Variants in PRKACB observed in about 807,000 individuals in gnomAD.
PRKACB encodes protein kinase cAMP-activated catalytic subunit beta, also known as cAMP-dependent protein kinase catalytic subunit beta.
PRKACB carries 16 observed loss-of-function variants against 51.4 expected under a neutral mutation model. That is an observed-to-expected ratio of 0.31 (90% CI 0.21 to 0.47). The LOEUF (loss-of-function observed/expected upper bound fraction) is 0.47. Ranked by LOEUF, PRKACB falls within the 20% of genes least tolerant of loss-of-function variation. The pLI, the probability that PRKACB is intolerant of heterozygous loss-of-function variation, is 1.00. For synonymous variants in PRKACB, 147 were observed against 154.4 expected, an observed-to-expected ratio of 0.95 and a Z score of 0.35; for missense variants, 309 against 464.5, an observed-to-expected ratio of 0.67 and a Z score of 3.08.
At chr1:84,181,652 G>A (rs780217091) in intron 2 of PRKACB, 12 of 1,471,268 alleles carry the variant, frequency 8.2e-6, no homozygotes, top group Middle Eastern at 1.8e-4. Flanking sequence ...AAGCCACTAG[G>A]CTCTCTCATG....
At chr1:84,223,880 T>C (rs1009805931) in intron 9 of PRKACB, among the ~76,000 whole-genome samples, 1 of 152,206 alleles carries the variant, frequency 6.6e-6, no homozygotes, top group Non-Finnish European at 1.5e-5. Context: ...GGAGGTGTCA[T>C]GTTTCTTTGC....
intron 1 of PRKACB, among the ~76,000 whole-genome samples, chr1:84,132,403 T>C (rs1191087888): frequency 6.6e-6 from 1 of 152,168 alleles, no homozygotes; most frequent in Non-Finnish European, 1.5e-5. Flanking sequence ...GCTTACCTCC[T>C]GGCCAGATTA....
chr1:84,183,195 T>C (rs1326492414), intron 3 of PRKACB, among the ~76,000 whole-genome samples: 1 of 152,008 alleles, frequency 6.6e-6, no homozygotes, highest in African/African-American at 2.4e-5. Context: ...CTTCTAATGA[T>C]TTACACATAT....
chr1:84,128,545 T>C (rs1302754634), intron 1 of PRKACB, among the ~76,000 whole-genome samples: 2 of 152,202 alleles, frequency 1.3e-5, no homozygotes, highest in East Asian at 3.8e-4. Flanking sequence ...TTTGAAAAAA[T>C]ATGATATTGA....
rs568250668 is a variant in PRKACB, at chr1:84,177,283, A to C, written c.188-1894A>C. On this transcript the variant is annotated intron_variant, in intron 1 of 9. Transcript: ENST00000370685. ...GCATGTTGCAATAAATTATGTTTTT[A>C]ATTTAATTTATAGCCATCATGTCCA... is the stretch of plus-strand genomic sequence containing the variant. Among the ~76,000 whole-genome samples, 41 of 152,230 alleles carry C rather than the reference A, an allele frequency of 2.7e-4. No homozygotes were observed. In the South Asian group the frequency reaches 8.5e-3, roughly 32 times the overall value.
intron 1 of PRKACB, among the ~76,000 whole-genome samples, chr1:84,111,663 C>T (rs905769404): frequency 1.3e-5 from 2 of 151,818 alleles, no homozygotes; most frequent in Non-Finnish European, 2.9e-5. Flanking sequence ...GTGCAACAAA[C>T]CCCCGTGACA....
At chr1:84,218,641 T>C (rs1673216777) in intron 9 of PRKACB, among the ~76,000 whole-genome samples, 1 of 152,224 alleles carries the variant, frequency 6.6e-6, no homozygotes, top group Non-Finnish European at 1.5e-5. Flanking sequence ...TGCATTGATA[T>C]ACTGATTTCC....
chr1:84,103,295 G>T (rs1294197628), intron 1 of PRKACB, among the ~76,000 whole-genome samples: 2 of 152,066 alleles, frequency 1.3e-5, no homozygotes, highest in Non-Finnish European at 2.9e-5. Flanking sequence ...TGTGATGCTA[G>T]ATCCGTTACA....
chr1:84,131,280 G>T (rs1033110481), intron 1 of PRKACB, among the ~76,000 whole-genome samples: 3 of 150,946 alleles, frequency 2.0e-5, no homozygotes, highest in Non-Finnish European at 4.4e-5. Context: ...GGAGGCAGGG[G>T]TTGCAATGAG....
chr1:84,121,205 G>C (rs955721811), intron 1 of PRKACB, among the ~76,000 whole-genome samples: 1 of 151,360 alleles, frequency 6.6e-6, no homozygotes, highest in Non-Finnish European at 1.5e-5. Context: ...TAGTGTATTT[G>C]TTACAAAAAA....
intron 1 of PRKACB, among the ~76,000 whole-genome samples, chr1:84,162,042 T>C (rs1313999883): frequency 6.6e-6 from 1 of 152,042 alleles, no homozygotes; most frequent in Admixed American, 6.6e-5. Context: ...ATTTCACCTT[T>C]ATTTTTGGAG....
intron 1 of PRKACB, among the ~76,000 whole-genome samples, chr1:84,092,653 T>C (rs1272311602): frequency 1.3e-5 from 2 of 152,192 alleles, no homozygotes; most frequent in Non-Finnish European, 2.9e-5. Flanking sequence ...CATGTGGTTC[T>C]GGTAAATACC....
Position 84,207,763 on chromosome 1 carries a change from G to T in PRKACB, c.906+4958G>T, listed in dbSNP as rs147428167. Among the ~76,000 whole-genome samples, 54 of 152,272 alleles carry T rather than the reference G, an allele frequency of 3.5e-4. No individual in the cohort carries two copies. The East Asian group carries it at 0.01, about 28-fold the overall frequency. ...GCCAATAATTGCAGAATAGCAGTAA[G>T]ATTTTTCCCTCCTTTCGAATATCAA... On this transcript the variant is annotated intron_variant, in intron 8 of 9. Transcript: ENST00000370685.
At chr1:84,177,699 G>A (rs1661787894) in intron 1 of PRKACB, among the ~76,000 whole-genome samples, 1 of 151,948 alleles carries the variant, frequency 6.6e-6, no homozygotes, top group Non-Finnish European at 1.5e-5. Context: ...CTGTGATCAT[G>A]ACACTGCACT....
At chr1:84,164,868 C>G (rs1297544066) in intron 1 of PRKACB, 1 of 1,379,900 alleles carries the variant, frequency 7.2e-7, no homozygotes, top group Non-Finnish European at 9.4e-7. Flanking sequence ...AAAGAAAGCT[C>G]TTTTCGTTTT....
At chr1:84,181,759 A>G in intron 2 of PRKACB, 4 of 1,426,324 alleles carry the variant, frequency 2.8e-6, no homozygotes, top group Non-Finnish European at 3.8e-6. Flanking sequence ...CTGATCCCTC[A>G]GTTTATCTAT....
At chr1:84,136,506 A>G (rs1182800522) in intron 1 of PRKACB, among the ~76,000 whole-genome samples, 1 of 151,908 alleles carries the variant, frequency 6.6e-6, no homozygotes, top group Non-Finnish European at 1.5e-5. Context: ...ACACACACAC[A>G]CACACACACA....
intron 9 of PRKACB, among the ~76,000 whole-genome samples, chr1:84,229,012 T>G (rs1238682043): frequency 1.3e-5 from 2 of 150,138 alleles, no homozygotes; most frequent in Non-Finnish European, 3.0e-5. Context: ...ACATGTGCCA[T>G]GCTGGTGCGC....
At chr1:84,090,140 A>G (rs1648335456) in intron 1 of PRKACB, among the ~76,000 whole-genome samples, 1 of 152,180 alleles carries the variant, frequency 6.6e-6, no homozygotes, top group Non-Finnish European at 1.5e-5. Context: ...TTCTCTGATC[A>G]ACTCTGTCTC....
Sources: allele counts gnomAD v4.1 joint callset (sites outside exome capture counted in the v4.1 genomes callset), GRCh38; gene constraint gnomAD v4.1.1; transcripts MANE v1.5; gene names NCBI Gene and HGNC (gene_info 2026-07-23, HGNC 2026-07-21).